The following NUDT3 variants were observed in gnomAD, a reference collection of about 807,000 sequenced individuals.
NUDT3 encodes the protein diphosphoinositol polyphosphate phosphohydrolase 1.
A neutral mutation model predicts 23.6 loss-of-function variants in NUDT3; 9 were observed. The ratio of observed to expected loss-of-function variants is 0.38; its 90% CI spans 0.23 to 0.66. The LOEUF is 0.66. Among genes scored for constraint, NUDT3 ranks in the 30% least tolerant of loss-of-function variants. NUDT3 has a pLI of 0.52. For missense variants in NUDT3, 172 were observed against 218.5 expected (o/e 0.79, Z 1.34); for synonymous variants, 86 against 82.6 (o/e 1.04, Z -0.22).
intron 1 of NUDT3, among the ~76,000 whole-genome samples, chr6:34,347,941 C>T (rs1764403639): frequency 6.6e-6 from 1 of 151,448 alleles, no homozygotes; most frequent in African/African-American, 2.4e-5. Flanking sequence ...TCAAGACCAG[C>T]CTGGGCAACA....
rs181326972 is a variant in NUDT3 at position 34,358,840 on chromosome 6, T to C, written c.100-16868A>G. Among the ~76,000 whole-genome samples, 644 of 152,288 alleles carry C rather than the reference T, an allele frequency of 4.2e-3. 2 individuals are homozygous for C. Among genetic ancestry groups the C allele is most frequent in the Middle Eastern group, 0.024 (7 of 294 alleles). ...AGAACAAAAAAAAGAGCCAATCATA[T>C]GGTGGACCAGGAATAATACAGTAAC... is the stretch of plus-strand genomic sequence containing the variant. On this transcript the variant is annotated intron_variant, in intron 1 of 4. Coordinates refer to ENST00000607016, the MANE Select transcript of NUDT3 (RefSeq NM_006703.4).
intron 2 of NUDT3, among the ~76,000 whole-genome samples, chr6:34,319,222 T>G (rs1330026266): frequency 2.0e-5 from 3 of 152,150 alleles, no homozygotes; most frequent in African/African-American, 7.2e-5. Flanking sequence ...GCCAGCAGGT[T>G]GTCATCCAAC....
intron 2 of NUDT3, among the ~76,000 whole-genome samples, chr6:34,322,695 C>T (rs2113718886): frequency 6.6e-6 from 1 of 152,282 alleles, no homozygotes; most frequent in Non-Finnish European, 1.5e-5. Flanking sequence ...TTCATGATAA[C>T]TGGGGACATT....
intron 1 of NUDT3, among the ~76,000 whole-genome samples, chr6:34,363,834 G>A (rs375110857): frequency 4.0e-5 from 6 of 151,184 alleles, no homozygotes; most frequent in Admixed American, 1.3e-4. Flanking sequence ...GTGCAGTAGC[G>A]CGATCTCAGC....
In NUDT3 at chr6:34,302,588, C is replaced by T. The variant is rs527938828; in HGVS notation, c.211-6903G>A. Among the ~76,000 whole-genome samples, 21 of 152,092 alleles carry T rather than the reference C, an allele frequency of 1.4e-4. 1 individual carries two copies. Among genetic ancestry groups the T allele is most frequent in the South Asian group, 1.2e-3 (6 of 4,824 alleles). On this transcript the variant is annotated intron_variant, in intron 2 of 4. Coordinates refer to ENST00000607016, the MANE Select transcript of NUDT3 (RefSeq NM_006703.4). ...CTCTACTAAAATACAAAAAATTAGCCGAGCATGGTGGCGTGTGCCTGTAGT... is the reference window on the plus strand; with the variant it reads ...CTCTACTAAAATACAAAAAATTAGCTGAGCATGGTGGCGTGTGCCTGTAGT...
Position 34,283,810 on chromosome 6 carries a change from CA to C in NUDT3, c.*4942del, listed in dbSNP as rs1011829167. The C allele has an allele frequency of 1.1e-4, 17 of 152,320 alleles. No homozygotes were observed. The highest frequency in any genetic ancestry group is 4.1e-4 in the African/African-American group (17 of 41,582). 9.4% of individuals were successfully genotyped at this position (152,320 alleles called of 1,614,324 possible). ...AGACAACAGTATCTTTTAGGGACTG[CA>C]GCCAATGTTCCCCAATTTACTTTTT... On this transcript the variant is annotated 3_prime_UTR_variant, in exon 5 of 5. Transcript: ENST00000607016.
chr6:34,295,560 C>A, intron 3 of NUDT3, 81 bp downstream of exon 3: 10 of 1,431,980 alleles, frequency 7.0e-6, no homozygotes, highest in Admixed American at 6.8e-5. Flanking sequence ...CTCGCTGAAA[C>A]AGAAATGGCA....
In NUDT3 at chr6:34,320,652, G is replaced by A. The variant is rs191086018; in HGVS notation, c.210+21210C>T. 3.5e-3 allele frequency among the ~76,000 whole-genome samples: 536 copies of A among 152,084 alleles called. 4 individuals carry two copies. The highest frequency in any genetic ancestry group is 7.6e-3 in the Admixed American group (116 of 15,294). ...AGTTCGAGACCAGCCCGGTCAACATGGTGAAACCCCATTTCTACAAAAAAT... is the reference window on the plus strand; with the variant it reads ...AGTTCGAGACCAGCCCGGTCAACATAGTGAAACCCCATTTCTACAAAAAAT... On this transcript the variant is annotated intron_variant, in intron 2 of 4. Coordinates refer to ENST00000607016, the MANE Select transcript of NUDT3 (RefSeq NM_006703.4).
At chr6:34,299,345 A>G (rs908785232) in intron 2 of NUDT3, among the ~76,000 whole-genome samples, 5 of 152,228 alleles carry the variant, frequency 3.3e-5, no homozygotes, top group Admixed American at 6.5e-5. Context: ...TCTTTATTTA[A>G]AAGTCCATCT....
At chr6:34,292,149 T>C (rs1763432404) in intron 4 of NUDT3, among the ~76,000 whole-genome samples, 1 of 152,170 alleles carries the variant, frequency 6.6e-6, no homozygotes, top group Admixed American at 6.5e-5. Flanking sequence ...CGCAGTCTCC[T>C]TTTCAAGCTC....
chr6:34,375,065 G>A (rs955142365), intron 1 of NUDT3, among the ~76,000 whole-genome samples: 3 of 152,060 alleles, frequency 2.0e-5, no homozygotes, highest in African/African-American at 7.2e-5. Context: ...ACCAGAGTTC[G>A]GCCGGGCGCT....
rs1049271735 is a variant in NUDT3, at chr6:34,377,875, T to C, written c.99+14389A>G. 3.3e-5 allele frequency among the ~76,000 whole-genome samples: 5 copies of C among 151,908 alleles called. No homozygotes were observed. The East Asian group carries it at 7.8e-4, about 24-fold the overall frequency. Reference sequence around the variant, plus strand: ...TGTGGAGAGAGCATGACTATGCTGATAAGCATTTTATAAAAACACTGGCGT... The same window carrying C: ...TGTGGAGAGAGCATGACTATGCTGACAAGCATTTTATAAAAACACTGGCGT... On this transcript the variant is annotated intron_variant, in intron 1 of 4. Transcript: ENST00000607016.
At chr6:34,357,808 T>C (rs1316261865) in intron 1 of NUDT3, among the ~76,000 whole-genome samples, 1 of 152,184 alleles carries the variant, frequency 6.6e-6, no homozygotes, top group Non-Finnish European at 1.5e-5. Context: ...TAGCTTTTCA[T>C]TCATGTAGGT....
In NUDT3 at chr6:34,284,385, T is replaced by A. The variant is rs1483524879; in HGVS notation, c.*4368A>T. The stretch of plus-strand genomic sequence containing the variant: ...CTCTTAAAGCAAAAATTCATTCCAC[T>A]GTGATTTCTCCAGGTATTTCCTGCA... On this transcript the variant is annotated 3_prime_UTR_variant, in exon 5 of 5. Transcript: ENST00000607016. 2 of 152,170 alleles carry A rather than the reference T, an allele frequency of 1.3e-5. No homozygotes were observed. Among genetic ancestry groups the A allele is most frequent in the Non-Finnish European group, 2.9e-5 (2 of 68,028 alleles). 9.4% of individuals were successfully genotyped at this position (152,170 alleles called of 1,614,324 possible).
At chr6:34,377,092 C>A (rs1446772316) in intron 1 of NUDT3, among the ~76,000 whole-genome samples, 2 of 152,130 alleles carry the variant, frequency 1.3e-5, no homozygotes, top group East Asian at 3.9e-4. Flanking sequence ...TGAAGCACTC[C>A]GGAAGCACAG....
At chr6:34,332,911 C>T (rs1764149414) in intron 2 of NUDT3, among the ~76,000 whole-genome samples, 1 of 152,184 alleles carries the variant, frequency 6.6e-6, no homozygotes, top group African/African-American at 2.4e-5. Flanking sequence ...TCAGACACAG[C>T]TTCCCTTTTT....
chr6:34,323,971 T>C (rs531455081), intron 2 of NUDT3, among the ~76,000 whole-genome samples: 34 of 152,242 alleles, frequency 2.2e-4, no homozygotes, highest in Non-Finnish European at 4.3e-4. Context: ...AATGGTAAGC[T>C]ATAGTGGGCA....
intron 1 of NUDT3, among the ~76,000 whole-genome samples, chr6:34,376,728 T>C (rs1441640769): frequency 6.6e-6 from 1 of 152,196 alleles, no homozygotes; most frequent in Non-Finnish European, 1.5e-5. Flanking sequence ...TAGCCCCCGC[T>C]GAGTTCACCC....
chr6:34,331,219 A>C (rs1764122638), intron 2 of NUDT3, among the ~76,000 whole-genome samples: 1 of 151,604 alleles, frequency 6.6e-6, no homozygotes, highest in South Asian at 2.1e-4. Flanking sequence ...GCAGCTCTGA[A>C]CTCTTGCGGT....
Sources: allele counts gnomAD v4.1 joint callset (sites outside exome capture counted in the v4.1 genomes callset), GRCh38; gene constraint gnomAD v4.1.1; transcripts MANE v1.5; gene names NCBI Gene and HGNC (gene_info 2026-07-23, HGNC 2026-07-21).